The following R3HDM4 variants were observed in gnomAD, a reference collection of about 807,000 sequenced individuals.
The protein encoded by R3HDM4 is R3H domain containing 4, also known as R3H domain-containing protein 4.
R3HDM4 carries 30 observed loss-of-function variants against 31.3 expected under a neutral mutation model. The ratio of observed to expected loss-of-function variants is 0.96; its 90% confidence interval spans 0.72 to 1.30. The LOEUF is 1.30. R3HDM4 is among the 50% of genes most tolerant of loss of function. The pLI is 0.00. For synonymous variants in R3HDM4, 196 were observed against 156.6 expected (o/e 1.25, Z -1.88); for missense variants, 444 against 366.1 (o/e 1.21, Z -1.74).
At chr19:900,519 A>G (rs1599357227) in intron 4 of R3HDM4, among the ~76,000 whole-genome samples, 1 of 108,092 alleles carries the variant, frequency 9.3e-6, no homozygotes, top group Admixed American at 1.0e-4. Context: ...TACCTACCCC[A>G]TCCTGGCCCC....
rs2036756849 is a variant in R3HDM4, at chr19:897,555, A to G, written c.704-15T>C. On this transcript the variant is annotated splice_polypyrimidine_tract_variant and intron_variant, in intron 7 of 7. Coordinates refer to ENST00000361574, the MANE Select transcript of R3HDM4 (RefSeq NM_138774.4). ...CAGGTCAGCACCTGCAGACGGGACC[A>G]GCGGGGCAAGAACGGGAGGAATTTG... 3.8e-6 allele frequency: 6 copies of G among 1,597,894 alleles called. No homozygotes were observed. The highest frequency in any genetic ancestry group is 3.5e-5 in the Admixed American group (2 of 57,678).
Position 896,569 on chromosome 19 carries a change from A to G in R3HDM4, c.*868T>C, listed in dbSNP as rs1439348775. The stretch of plus-strand genomic sequence containing the variant: ...AAAACACAATTACCCACACGCAGCA[A>G]GGGGGTGCGGAGGCCCCCCAGCCTG... On this transcript the variant is annotated 3_prime_UTR_variant, in exon 8 of 8. Transcript: ENST00000361574. This position sits in a 1 kb window ranked among gnomAD's most constrained non-coding sequence, Gnocchi z 4.0. 1 of 152,574 alleles carries G rather than the reference A, an allele frequency of 6.6e-6. No individual in the cohort carries two copies. The highest frequency in any genetic ancestry group is 1.5e-5 in the Non-Finnish European group (1 of 68,048). The allele number at this position is 152,574 out of a possible 1,614,324, so 9.5% of individuals were successfully genotyped here.
chr19:910,674 G>A (rs2036960245), intron 1 of R3HDM4, among the ~76,000 whole-genome samples: 1 of 152,064 alleles, frequency 6.6e-6, no homozygotes, highest in South Asian at 2.1e-4. Context: ...CCGAGACTCT[G>A]TCTCCAATCA....
chr19:905,662 G>A (rs1252781533), intron 1 of R3HDM4, among the ~76,000 whole-genome samples: 1 of 149,534 alleles, frequency 6.7e-6, no homozygotes, highest in Admixed American at 6.7e-5. Context: ...TCCAGCCTGG[G>A]CGACAGAGCA....
chr19:899,000 C>T (rs982383819), intron 7 of R3HDM4, among the ~76,000 whole-genome samples: 2 of 152,158 alleles, frequency 1.3e-5, no homozygotes, highest in Admixed American at 6.5e-5. Flanking sequence ...TGAGACTGCG[C>T]CCCGTTGGAA....
chr19:907,759 T>C lies in R3HDM4; in HGVS notation c.71+5328A>G, dbSNP rs2036924433. Among the ~76,000 whole-genome samples the C allele has an allele frequency of 6.6e-6, 1 of 152,130 alleles. No homozygotes were observed. Among genetic ancestry groups the C allele is most frequent in the African/African-American group, 2.4e-5 (1 of 41,442 alleles). ...TCCCAGGGCCAGGCCTGGCTCCCCCTTGGCCTAGCACTGCAACACGAGGGC... is the reference window on the plus strand; with the variant it reads ...TCCCAGGGCCAGGCCTGGCTCCCCCCTGGCCTAGCACTGCAACACGAGGGC... On this transcript the variant is annotated intron_variant, in intron 1 of 7. Coordinates refer to ENST00000361574, the MANE Select transcript of R3HDM4 (RefSeq NM_138774.4). The surrounding 1 kb of genome is among the most constrained non-coding windows in gnomAD (Gnocchi z 4.1).
intron 1 of R3HDM4, among the ~76,000 whole-genome samples, chr19:911,788 G>A (rs1412577163): frequency 2.6e-5 from 4 of 152,102 alleles, no homozygotes; most frequent in Non-Finnish European, 4.4e-5. Flanking sequence ...AGACCGCCCC[G>A]CTTCCGGGTC....
In R3HDM4 at chr19:897,306, TGA is replaced by T. The variant is rs1372415379; in HGVS notation, c.*129_*130del. On this transcript the variant is annotated 3_prime_UTR_variant, in exon 8 of 8. Coordinates refer to ENST00000361574, the MANE Select transcript of R3HDM4 (RefSeq NM_138774.4). ...AGAGCTGCGTGAGGAGGGGGCAGAG[TGA>T]GAGAGACCACCCCAAGCGAAAAAGG... 3.0e-6 allele frequency: 2 copies of T among 671,188 alleles called. No homozygotes were observed. Among genetic ancestry groups the T allele is most frequent in the Non-Finnish European group, 5.0e-6 (2 of 402,742 alleles). The allele number at this position is 671,188 out of a possible 1,614,324, so 41.6% of individuals were successfully genotyped here. A position where few individuals can be genotyped will look rare whatever the true frequency, so the allele number is the denominator to read the frequency against.
At chr19:903,290 TGCA>T (rs1374712737) in intron 1 of R3HDM4, among the ~76,000 whole-genome samples, 1 of 148,340 alleles carries the variant, frequency 6.7e-6, no homozygotes, top group African/African-American at 2.5e-5. Context: ...AGAGTGCGGC[TGCA>T]GCGGCCCCCC....
chr19:901,419 C>T lies in R3HDM4; in HGVS notation c.351+3G>A. The T allele has an allele frequency of 6.2e-7, 1 of 1,604,102 alleles. No homozygotes were observed. The highest frequency in any genetic ancestry group is 8.5e-7 in the Non-Finnish European group (1 of 1,178,866). On this transcript the variant is annotated splice_donor_region_variant and intron_variant, in intron 3 of 7. Coordinates refer to ENST00000361574, the MANE Select transcript of R3HDM4 (RefSeq NM_138774.4). ...GAGGGAGTGAGGGGGTTGGGGGCCA[C>T]ACCTCCACATAGGTGGCGTTGTTGC... is the stretch of plus-strand genomic sequence containing the variant.
intron 7 of R3HDM4, among the ~76,000 whole-genome samples, chr19:898,987 T>A (rs957770827): frequency 6.6e-6 from 1 of 151,880 alleles, no homozygotes; most frequent in Non-Finnish European, 1.5e-5. Context: ...CGGGGGTGAG[T>A]TCTGAGACTG....
intron 3 of R3HDM4, chr19:901,158 G>T: frequency 1.4e-6 from 1 of 698,950 alleles, no homozygotes; most frequent in Non-Finnish European, 2.3e-6. Flanking sequence ...TCTCGGGGTG[G>T]GGGGGATTGA....
Position 900,838 on chromosome 19 carries a change from G to GGTCCT in R3HDM4, c.461_465dup (p.Arg157ThrfsTer59). The GGTCCT allele has an allele frequency of 7.8e-7, 1 of 1,286,434 alleles. No individual in the cohort carries two copies. The highest frequency in any genetic ancestry group is 1.1e-6 in the Non-Finnish European group (1 of 947,994). 79.7% of individuals were successfully genotyped at this position (1,286,434 alleles called of 1,614,324 possible). A position where few individuals can be genotyped will look rare whatever the true frequency, so the allele number is the denominator to read the frequency against. The stretch of plus-strand genomic sequence containing the variant: ...CCAGCCAGGCCCGCACCTCTCCTCC[G>GGTCCT]GTCCTCCCCACGGCCAGGGCCCCTC... On this transcript the variant is annotated frameshift_variant, in exon 4 of 8. Coordinates refer to ENST00000361574, the MANE Select transcript of R3HDM4 (RefSeq NM_138774.4). LOFTEE classifies it high-confidence loss of function.
At chr19:908,048 C>T (rs897350775) in intron 1 of R3HDM4, among the ~76,000 whole-genome samples, 1 of 151,940 alleles carries the variant, frequency 6.6e-6, no homozygotes, top group African/African-American at 2.4e-5. Context: ...AAAAATTAGC[C>T]AGGAGTGGTG....
intron 1 of R3HDM4, among the ~76,000 whole-genome samples, chr19:903,723 G>A (rs2965298): frequency 0.75 from 114,744 of 152,066 alleles, 43,465 homozygotes; most frequent in African/African-American, 0.78. Context: ...AATACCGCGC[G>A]CTCCAGCCTG....
In R3HDM4 at chr19:913,144, T is replaced by A; in HGVS notation, c.14A>T (p.Glu5Val). 1 of 1,090,428 alleles carries A rather than the reference T, an allele frequency of 9.2e-7. No individual in the cohort carries two copies. The allele number at this position is 1,090,428 out of a possible 1,614,324, so 67.5% of individuals were successfully genotyped here. A position where few individuals can be genotyped will look rare whatever the true frequency, so the allele number is the denominator to read the frequency against. MVAL[E>V]NPECGPEAAE... The stretch of plus-strand genomic sequence containing the variant: ...CGCCTCCGGGCCGCACTCGGGGTTC[T>A]CCAGCGCGACCATGGCTCGCACGCT... The change falls in exon 1 of 8, where the codon GAG becomes GTG. Residue 5 changes from glutamate to valine, a missense_variant. Glu to Val is a moderately radical substitution (Grantham distance 121). Transcript: ENST00000361574. The surrounding 1 kb of genome is among the most constrained non-coding windows in gnomAD (Gnocchi z 5.0).
At chr19:911,494 A>T (rs2036970894) in intron 1 of R3HDM4, among the ~76,000 whole-genome samples, 1 of 152,248 alleles carries the variant, frequency 6.6e-6, no homozygotes, top group Admixed American at 6.5e-5. Flanking sequence ...GATAATTAGT[A>T]ATGAGACAAC....
At chr19:906,173 C>T (rs528049735) in intron 1 of R3HDM4, among the ~76,000 whole-genome samples, 14 of 151,572 alleles carry the variant, frequency 9.2e-5, no homozygotes, top group African/African-American at 3.4e-4. Context: ...TACAGGCGCC[C>T]GCCACCACGC....
intron 2 of R3HDM4, chr19:901,768 G>GGCCCCCCCCC: frequency 1.4e-6 from 1 of 727,294 alleles, no homozygotes; most frequent in Non-Finnish European, 2.2e-6. Context: ...TGCCCGGGGC[G>GGCCCCCCCCC]CCCTCCCACC....
Sources: gnomAD v4.1 joint callset for allele counts (sites outside exome capture counted in the v4.1 genomes callset) on GRCh38, gnomAD v4.1.1 for gene constraint, Gnocchi (gnomAD v3.1) non-coding constraint, MANE v1.5 for transcripts, NCBI Gene and HGNC (gene_info 2026-07-23, HGNC 2026-07-21) for gene names.